The following COMMD10 variants were observed in gnomAD, a reference collection of about 807,000 sequenced individuals.
The protein encoded by COMMD10 is COMM domain containing 10, also known as COMM domain-containing protein 10.
Under a neutral mutation model 28.9 loss-of-function variants are expected in COMMD10, and 33 were observed. That is an observed-to-expected ratio of 1.14 (90% CI 0.87 to 1.53). The LOEUF (loss-of-function observed/expected upper bound fraction) is 1.53. Ranked by LOEUF, COMMD10 falls within the 40% of genes most tolerant of loss-of-function variation. COMMD10 has a pLI of 0.00. For missense variants in COMMD10, 310 were observed against 233.4 expected, an observed-to-expected ratio of 1.33 and a Z score of -2.14; for synonymous variants, 110 against 81.7, an observed-to-expected ratio of 1.35 and a Z score of -1.87.
chr5:116,138,546 A>G (rs1752102046), intron 5 of COMMD10, among the ~76,000 whole-genome samples: 1 of 151,758 alleles, frequency 6.6e-6, no homozygotes, highest in Non-Finnish European at 1.5e-5. Flanking sequence ...TTTCCTGTTA[A>G]AGACAAACCT....
In COMMD10 at chr5:116,292,963, A is replaced by T. The variant is rs930470663; in HGVS notation, c.*474A>T. On this transcript the variant is annotated 3_prime_UTR_variant, in exon 7 of 7. Coordinates refer to ENST00000274458, the MANE Select transcript of COMMD10 (RefSeq NM_016144.4). ...ATGGCATTTTTATTTGAATATGATG[A>T]GTATATTTTGCTTCGGAAATAATAT... is the stretch of plus-strand genomic sequence containing the variant. 6 of 397,042 alleles carry T rather than the reference A, an allele frequency of 1.5e-5. No homozygotes were observed. In the Admixed American group the frequency reaches 2.2e-4, roughly 15 times the overall value. 24.6% of individuals were successfully genotyped at this position (397,042 alleles called of 1,614,324 possible).
chr5:116,254,687 T>C (rs1022799852), intron 5 of COMMD10, among the ~76,000 whole-genome samples: 7 of 151,896 alleles, frequency 4.6e-5, no homozygotes, highest in Non-Finnish European at 1.0e-4. Context: ...TTCTGATCTT[T>C]TACATTTGCT....
intron 5 of COMMD10, among the ~76,000 whole-genome samples, chr5:116,244,658 T>TACAAAAAAAAAAAAAAAAAAAAAAAAA: frequency 2.1e-5 from 1 of 48,606 alleles, no homozygotes; most frequent in Middle Eastern, 0.011. Flanking sequence ...AAAAAAAAAT[T>TACAAAAAAAAAAAAAAAAAAAAAAAAA]ACAAAAAAAA....
chr5:116,218,827 A>G (rs745758981), intron 5 of COMMD10, among the ~76,000 whole-genome samples: 1 of 152,188 alleles, frequency 6.6e-6, no homozygotes, highest in South Asian at 2.1e-4. Context: ...AATCCCAGTT[A>G]GCTTTGAATA....
chr5:116,249,627 A>C (rs1750052961), intron 5 of COMMD10, among the ~76,000 whole-genome samples: 1 of 151,970 alleles, frequency 6.6e-6, no homozygotes, highest in Admixed American at 6.6e-5. Context: ...TGAATTCTGA[A>C]AGATAATGCT....
intron 5 of COMMD10, among the ~76,000 whole-genome samples, chr5:116,163,423 T>TAAAAAAAAAA (rs58449487): frequency 2.2e-5 from 2 of 92,528 alleles, no homozygotes; most frequent in African/African-American, 5.3e-5. Context: ...CACCTCTACT[T>TAAAAAAAAAA]AAAAAAAAAA....
chr5:116,177,102 T>C (rs1049819211), intron 5 of COMMD10, among the ~76,000 whole-genome samples: 7 of 152,070 alleles, frequency 4.6e-5, no homozygotes, highest in African/African-American at 1.7e-4. Context: ...ACAGTGCCAC[T>C]GATAGGTAGC....
chr5:116,217,018 T>G (rs936118653), intron 5 of COMMD10, among the ~76,000 whole-genome samples: 2 of 152,098 alleles, frequency 1.3e-5, no homozygotes, highest in African/African-American at 4.8e-5. Flanking sequence ...GAAGATACTT[T>G]TGAGTAGACA....
chr5:116,204,052 C>T (rs1748746673), intron 5 of COMMD10, among the ~76,000 whole-genome samples: 1 of 151,904 alleles, frequency 6.6e-6, no homozygotes, highest in African/African-American at 2.4e-5. Flanking sequence ...GAAGATCTCC[C>T]AAGCAAATGG....
At chr5:116,118,907 G>T (rs1016902127) in intron 4 of COMMD10, among the ~76,000 whole-genome samples, 1 of 152,304 alleles carries the variant, frequency 6.6e-6, no homozygotes, top group African/African-American at 2.4e-5. Flanking sequence ...CAAATTGAAT[G>T]AAGATTTCGT....
chr5:116,251,264 C>CTTTT (rs869027375), intron 5 of COMMD10, among the ~76,000 whole-genome samples: 2 of 122,048 alleles, frequency 1.6e-5, no homozygotes, highest in African/African-American at 5.6e-5. Context: ...AGACTCTTTT[C>CTTTT]TTTTTATTTA....
At chr5:116,226,783 C>T (rs1448582850) in intron 5 of COMMD10, among the ~76,000 whole-genome samples, 1 of 152,032 alleles carries the variant, frequency 6.6e-6, no homozygotes, top group Non-Finnish European at 1.5e-5. Flanking sequence ...AGTGGACTGG[C>T]ATCTGGGAGA....
chr5:116,176,606 C>T (rs1399005770), intron 5 of COMMD10, among the ~76,000 whole-genome samples: 2 of 152,034 alleles, frequency 1.3e-5, no homozygotes, highest in African/African-American at 4.8e-5. Context: ...ATATAAAATT[C>T]ATATTTTAAA....
At chr5:116,095,592 CTT>C (rs149561150) in intron 4 of COMMD10, among the ~76,000 whole-genome samples, 13,118 of 152,062 alleles carry the variant, frequency 0.086, 620 homozygotes, top group Admixed American at 0.13. Context: ...TTTTCATTCT[CTT>C]AACAGTATCT....
At chr5:116,126,378 C>G (rs570306375) in intron 4 of COMMD10, among the ~76,000 whole-genome samples, 68 of 151,618 alleles carry the variant, frequency 4.5e-4, no homozygotes, top group African/African-American at 1.6e-3. Flanking sequence ...CAATGCCATC[C>G]CCATCAAACT....
At chr5:116,244,390 A>G (rs1749887781) in intron 5 of COMMD10, among the ~76,000 whole-genome samples, 1 of 152,014 alleles carries the variant, frequency 6.6e-6, no homozygotes, top group African/African-American at 2.4e-5. Flanking sequence ...TTCAGTAGGT[A>G]TTTATTAGAA....
intron 5 of COMMD10, among the ~76,000 whole-genome samples, chr5:116,171,328 C>G (rs776936841): frequency 7.9e-5 from 12 of 152,222 alleles, no homozygotes; most frequent in Non-Finnish European, 1.5e-4. Context: ...TCAGGAAACA[C>G]CAGATGCTGG....
chr5:116,099,563 A>G (rs1232144758), intron 4 of COMMD10, among the ~76,000 whole-genome samples: 1 of 152,126 alleles, frequency 6.6e-6, no homozygotes, highest in African/African-American at 2.4e-5. Flanking sequence ...TCCCACCAAC[A>G]CTGTACAATG....
At chr5:116,218,100 C>G in intron 5 of COMMD10, 1 of 1,312,938 alleles carries the variant, frequency 7.6e-7, no homozygotes, top group Non-Finnish European at 1.1e-6. Flanking sequence ...GGGTTATTCC[C>G]CTCCTTGCCA....
Sources: gnomAD v4.1 joint callset for allele counts (sites outside exome capture counted in the v4.1 genomes callset) on GRCh38, gnomAD v4.1.1 for gene constraint, MANE v1.5 for transcripts, NCBI Gene and HGNC (gene_info 2026-07-23, HGNC 2026-07-21) for gene names.